The following SPATA13 variants were observed in gnomAD, a reference collection of about 807,000 sequenced individuals.
The protein encoded by SPATA13 is spermatogenesis-associated protein 13.
SPATA13 carries 50 observed loss-of-function variants against 104.0 expected under a neutral mutation model. The observed-to-expected ratio is 0.48, with a 90% CI of 0.38 to 0.61. The LOEUF (loss-of-function observed/expected upper bound fraction) is 0.61, where lower values mean the gene tolerates loss of function less well. Among genes scored for constraint, SPATA13 ranks in the 20% least tolerant of loss-of-function variants. The pLI is 0.00. For synonymous variants in SPATA13, 606 were observed against 667.5 expected (o/e 0.91, Z 1.42); for missense variants, 1,524 against 1,690.6 (o/e 0.90, Z 1.73).
intron 2 of SPATA13, 31 bp downstream of exon 2, chr13:24,224,613 G>T: frequency 6.5e-7 from 1 of 1,536,298 alleles, no homozygotes; most frequent in Non-Finnish European, 8.7e-7. Flanking sequence ...CCTCATGTGG[G>T]CGACCCTCCT....
chr13:24,081,074 C>T (rs1198107174), intron 3 of SPATA13, among the ~76,000 whole-genome samples: 1 of 152,158 alleles, frequency 6.6e-6, no homozygotes, highest in Admixed American at 6.6e-5. Flanking sequence ...GCATTTATTT[C>T]CTGTCTATTA....
At chr13:24,096,616 C>T (rs544688580) in intron 3 of SPATA13, among the ~76,000 whole-genome samples, 46 of 152,002 alleles carry the variant, frequency 3.0e-4, no homozygotes, top group African/African-American at 1.1e-3. Context: ...ACAAGGGGGA[C>T]CTAATTTGGA....
At position 24,141,447 on chromosome 13, in the gene SPATA13, C is replaced by T. The variant is rs79684731; in HGVS notation, c.-111-81372C>T. 8.5e-3 allele frequency among the ~76,000 whole-genome samples: 1,292 copies of T among 152,272 alleles called. 13 individuals carry two copies. The highest frequency in any genetic ancestry group is 0.029 in the African/African-American group (1,225 of 41,546). On this transcript the variant is annotated intron_variant, in intron 3 of 14. Transcript: ENST00000424834. Reference sequence around the variant, plus strand: ...CTTCTGCCTTTTCCTGCTTCCCTCCCACCTGCTGTGCCTGACAGGGTCCTA... The same window carrying T: ...CTTCTGCCTTTTCCTGCTTCCCTCCTACCTGCTGTGCCTGACAGGGTCCTA...
At chr13:24,244,835 A>G (rs1873029397) in intron 2 of SPATA13, among the ~76,000 whole-genome samples, 1 of 152,260 alleles carries the variant, frequency 6.6e-6, no homozygotes, top group African/African-American at 2.4e-5. Flanking sequence ...TGCCTGGGCA[A>G]CAGAGTGAGA....
chr13:24,188,743 G>C (rs765352900), intron 1 of SPATA13, among the ~76,000 whole-genome samples: 3 of 152,118 alleles, frequency 2.0e-5, no homozygotes, highest in Non-Finnish European at 4.4e-5. Flanking sequence ...GCCTTCTAGA[G>C]GAAGAAGATG....
At chr13:24,074,649 C>T (rs1879269424) in intron 3 of SPATA13, among the ~76,000 whole-genome samples, 1 of 151,626 alleles carries the variant, frequency 6.6e-6, no homozygotes, top group African/African-American at 2.4e-5. Flanking sequence ...AAAAAAAAAA[C>T]CCTTGTAGGA....
At chr13:24,239,695 A>T (rs1480260782) in intron 2 of SPATA13, among the ~76,000 whole-genome samples, 1 of 139,970 alleles carries the variant, frequency 7.1e-6, no homozygotes, top group African/African-American at 3.1e-5. Flanking sequence ...ACCATATCTA[A>T]AAAAAAAAAA....
intron 3 of SPATA13, among the ~76,000 whole-genome samples, chr13:24,118,856 A>G (rs916980790): frequency 2.0e-5 from 3 of 152,166 alleles, no homozygotes; most frequent in African/African-American, 7.2e-5. Flanking sequence ...GTTCAGTAAG[A>G]ACTTTACAAA....
chr13:24,035,423 G>A (rs1877642158), intron 3 of SPATA13, among the ~76,000 whole-genome samples: 1 of 152,206 alleles, frequency 6.6e-6, no homozygotes, highest in Admixed American at 6.5e-5. Context: ...GAAGTACTGG[G>A]ATTACAGGTG....
intron 3 of SPATA13, among the ~76,000 whole-genome samples, chr13:24,250,405 G>A (rs1056075368): frequency 1.3e-5 from 2 of 151,914 alleles, no homozygotes; most frequent in South Asian, 2.1e-4. Flanking sequence ...ATATTTATCC[G>A]GGTATCCAGT....
intron 3 of SPATA13, among the ~76,000 whole-genome samples, chr13:24,054,738 C>T (rs191568069): frequency 9.2e-5 from 14 of 152,198 alleles, no homozygotes; most frequent in African/African-American, 3.4e-4. Flanking sequence ...TACTACCTCA[C>T]AGGAGAAAAG....
chr13:24,227,369 G>A (rs1192994959), intron 2 of SPATA13, among the ~76,000 whole-genome samples: 1 of 152,044 alleles, frequency 6.6e-6, no homozygotes, highest in Non-Finnish European at 1.5e-5. Flanking sequence ...GGGTGATTTT[G>A]ACCATTTTAT....
At chr13:24,148,317 G>A (rs921617667) in intron 3 of SPATA13, among the ~76,000 whole-genome samples, 1 of 151,982 alleles carries the variant, frequency 6.6e-6, no homozygotes, top group South Asian at 2.1e-4. Flanking sequence ...CATGAGCCCC[G>A]TTGTCTTTTG....
Position 24,303,922 on chromosome 13 carries a change from C to CA in SPATA13, c.*1155dup, listed in dbSNP as rs888607267. 1.3e-5 allele frequency: 2 copies of CA among 152,152 alleles called. No homozygotes were observed. The highest frequency in any genetic ancestry group is 4.8e-5 in the African/African-American group (2 of 41,440). 9.4% of individuals were successfully genotyped at this position (152,152 alleles called of 1,614,324 possible). ...CTGTCTCCAAAAACAAAAACAAAAA[C>CA]AAAAAACATTCAAACAACTGTTTGC... On this transcript the variant is annotated 3_prime_UTR_variant, in exon 13 of 13. Coordinates refer to ENST00000382108, the MANE Select transcript of SPATA13 (RefSeq NM_001166271.3).
chr13:24,177,988 C>A (rs1020008068), intron 1 of SPATA13, among the ~76,000 whole-genome samples: 1 of 152,112 alleles, frequency 6.6e-6, no homozygotes, highest in Non-Finnish European at 1.5e-5. Flanking sequence ...TCCCAAGTAG[C>A]TGGGACTATG....
intron 4 of SPATA13, among the ~76,000 whole-genome samples, chr13:24,267,637 A>G (rs1052141996): frequency 6.6e-6 from 1 of 152,262 alleles, no homozygotes; most frequent in East Asian, 1.9e-4. Context: ...TTTGTAGAAA[A>G]TGAAAACACT....
At chr13:24,188,540 G>A (rs1450602162) in intron 1 of SPATA13, among the ~76,000 whole-genome samples, 1 of 152,188 alleles carries the variant, frequency 6.6e-6, no homozygotes, top group Non-Finnish European at 1.5e-5. Flanking sequence ...GACTGAGAGA[G>A]GTGAAGAAAG....
intron 3 of SPATA13, among the ~76,000 whole-genome samples, chr13:24,143,253 C>A (rs898829025): frequency 1.3e-5 from 2 of 152,156 alleles, no homozygotes; most frequent in African/African-American, 4.8e-5. Context: ...TAGACGGAAG[C>A]CCCTGGTGTT....
intron 3 of SPATA13, among the ~76,000 whole-genome samples, chr13:24,148,100 T>C (rs553192236): frequency 2.6e-5 from 4 of 152,244 alleles, no homozygotes; most frequent in Non-Finnish European, 5.9e-5. Flanking sequence ...TCAGTTCTTT[T>C]CCGCATACAC....
Sources: gnomAD v4.1 joint callset for allele counts (sites outside exome capture counted in the v4.1 genomes callset) on GRCh38, gnomAD v4.1.1 for gene constraint, MANE v1.5 for transcripts, NCBI Gene and HGNC (gene_info 2026-07-23, HGNC 2026-07-21) for gene names.